RPTOR: variants seen among roughly 807,000 people sequenced by gnomAD.
RPTOR encodes the protein regulatory associated protein of MTOR complex 1.
In RPTOR, 21 loss-of-function variants were observed where a neutral mutation model predicts 169.9. The observed-to-expected ratio is 0.12, with a 90% CI of 0.09 to 0.18. The LOEUF is 0.18. RPTOR is among the 10% of genes least tolerant of loss of function. RPTOR has a pLI of 1.00. For missense variants in RPTOR, 1,133 were observed against 1,855.9 expected (o/e 0.61, Z 7.16); for synonymous variants, 732 against 753.2 (o/e 0.97, Z 0.46).
Position 80,959,930 on chromosome 17 carries a change from T to G in RPTOR, c.3478-148T>G, listed in dbSNP as rs536373152. On this transcript the variant is annotated intron_variant, in intron 29 of 33. Transcript: ENST00000306801. The surrounding 1 kb of genome is among the most constrained non-coding windows in gnomAD (Gnocchi z 6.7). ...CCTGGGCTCCCCAGGCCTTTGATGC[T>G]TCCCTGGATAGAGAGAAAGGCCCCT... 1.3e-4 allele frequency: 117 copies of G among 907,840 alleles called. No homozygotes were observed. In the African/African-American group the frequency reaches 1.8e-3, roughly 14 times the overall value. 56.2% of individuals were successfully genotyped at this position (907,840 alleles called of 1,614,324 possible).
At chr17:80,906,606 G>A (rs2068545880) in intron 20 of RPTOR, among the ~76,000 whole-genome samples, 1 of 152,232 alleles carries the variant, frequency 6.6e-6, no homozygotes, top group African/African-American at 2.4e-5. Flanking sequence ...CGCAGGGGAC[G>A]TGTCCCTGGG....
chr17:80,664,462 C>A (rs945778914), intron 3 of RPTOR, among the ~76,000 whole-genome samples: 3 of 152,204 alleles, frequency 2.0e-5, no homozygotes, highest in Non-Finnish European at 4.4e-5. Flanking sequence ...TGCAGCCTCG[C>A]TCCCTGCGCC....
intron 5 of RPTOR, among the ~76,000 whole-genome samples, chr17:80,741,478 G>C (rs1056817222): frequency 1.3e-5 from 2 of 152,228 alleles, no homozygotes; most frequent in Non-Finnish European, 2.9e-5. Context: ...GGAGTTAAAG[G>C]CAACACCAGT....
At chr17:80,692,305 TTATGTTATG>T (rs2065999820) in intron 3 of RPTOR, among the ~76,000 whole-genome samples, 1 of 150,550 alleles carries the variant, frequency 6.6e-6, no homozygotes, top group African/African-American at 2.4e-5. Context: ...TTATGTTATG[TTATGTTATG>T]TTATGTTATG....
intron 1 of RPTOR, among the ~76,000 whole-genome samples, chr17:80,557,801 C>G (rs1466177050): frequency 6.6e-6 from 1 of 151,918 alleles, no homozygotes; most frequent in Non-Finnish European, 1.5e-5. Context: ...TGGCAGATGC[C>G]TGTAATCCCA....
intron 13 of RPTOR, among the ~76,000 whole-genome samples, chr17:80,865,834 A>T (rs917953437): frequency 1.3e-5 from 2 of 152,062 alleles, no homozygotes; most frequent in Non-Finnish European, 2.9e-5. Flanking sequence ...CACGCCACAC[A>T]GCAGCCATGC....
intron 7 of RPTOR, among the ~76,000 whole-genome samples, chr17:80,816,837 C>A (rs141739906): frequency 1.3e-5 from 2 of 152,324 alleles, no homozygotes; most frequent in East Asian, 3.9e-4. Flanking sequence ...CCAGGGTAGA[C>A]AGGCATAAGG....
intron 2 of RPTOR, among the ~76,000 whole-genome samples, chr17:80,634,279 T>TGTGTGTGTGCATACC: frequency 7.0e-6 from 1 of 142,414 alleles, no homozygotes; most frequent in East Asian, 2.1e-4. Flanking sequence ...GTGTGCGTAC[T>TGTGTGTGTGCATACC]GTGTGTGTGC....
At chr17:80,880,295 A>G in intron 13 of RPTOR, 120 bp from the exon 14 acceptor site, 1 of 829,972 alleles carries the variant, frequency 1.2e-6, no homozygotes, top group Non-Finnish European at 2.1e-6. Flanking sequence ...CTGGGCTTGA[A>G]AGGAGGAAAT....
chr17:80,569,549 G>A (rs753561328), intron 1 of RPTOR, among the ~76,000 whole-genome samples: 12 of 152,070 alleles, frequency 7.9e-5, no homozygotes, highest in East Asian at 7.7e-4. Context: ...ATGAATGAAT[G>A]AATAAATAAA....
At chr17:80,787,391 G>A (rs1050601635) in intron 6 of RPTOR, among the ~76,000 whole-genome samples, 5 of 152,192 alleles carry the variant, frequency 3.3e-5, no homozygotes, top group Admixed American at 6.5e-5. Flanking sequence ...ATGGACACTT[G>A]AGCTTTTTCA....
chr17:80,887,192 G>A (rs1038372865), intron 17 of RPTOR, among the ~76,000 whole-genome samples: 10 of 151,970 alleles, frequency 6.6e-5, no homozygotes, highest in South Asian at 2.1e-4. Context: ...CGCAGACTCC[G>A]GAGGTGCGCT....
At chr17:80,952,114 G>A (rs768519159) in intron 28 of RPTOR, among the ~76,000 whole-genome samples, 1 of 152,172 alleles carries the variant, frequency 6.6e-6, no homozygotes, top group Non-Finnish European at 1.5e-5. Flanking sequence ...ATTTGTCATC[G>A]ATTGGAGTCA....
chr17:80,607,956 A>C (rs144970337), intron 1 of RPTOR, among the ~76,000 whole-genome samples: 100 of 152,362 alleles, frequency 6.6e-4, no homozygotes, highest in African/African-American at 2.4e-3. Context: ...TCCCAAACAT[A>C]CAAATTCAGT....
intron 4 of RPTOR, among the ~76,000 whole-genome samples, chr17:80,718,741 G>T (rs1181549430): frequency 1.3e-5 from 2 of 152,226 alleles, no homozygotes; most frequent in Admixed American, 1.3e-4. Flanking sequence ...TGCTATGGGA[G>T]CCTGGAGCCT....
chr17:80,795,563 ATT>A (rs113112880), intron 7 of RPTOR, among the ~76,000 whole-genome samples: 2 of 146,610 alleles, frequency 1.4e-5, no homozygotes, highest in African/African-American at 5.0e-5. Flanking sequence ...CTAAAGGTTT[ATT>A]TTTTTTTTTT....
chr17:80,885,176 C>T, intron 17 of RPTOR, 28 bp downstream of exon 17: 1 of 1,546,184 alleles, frequency 6.5e-7, no homozygotes, highest in African/African-American at 1.4e-5. Context: ...CCGGCAGCAG[C>T]AGGGCACCCA....
chr17:80,685,621 ATATATATTTTTTTTTTT>A (rs1175103360), intron 3 of RPTOR, among the ~76,000 whole-genome samples: 1 of 15,696 alleles, frequency 6.4e-5, no homozygotes, highest in Non-Finnish European at 1.2e-4. Context: ...ATATATATAT[ATATATATTTTTTTTTTT>A]TTTTTTTTTT....
intron 5 of RPTOR, among the ~76,000 whole-genome samples, chr17:80,747,294 T>C (rs1326074443): frequency 3.9e-5 from 6 of 152,212 alleles, no homozygotes; most frequent in African/African-American, 1.4e-4. Flanking sequence ...TACTCGTCCA[T>C]GCACCCAGTA....
Sources: allele counts gnomAD v4.1 joint callset (sites outside exome capture counted in the v4.1 genomes callset), GRCh38; gene constraint gnomAD v4.1.1; non-coding constraint Gnocchi (gnomAD v3.1); transcripts MANE v1.5; gene names NCBI Gene and HGNC (gene_info 2026-07-23, HGNC 2026-07-21).